The following UTP15 variants were observed in gnomAD, a reference collection of about 807,000 sequenced individuals.
The protein encoded by UTP15 is U3 small nucleolar RNA-associated protein 15 homolog.
In UTP15, 5 loss-of-function variants were observed where a neutral mutation model predicts 59.1. That is an observed-to-expected ratio of 0.08 (90% CI 0.04 to 0.18). The LOEUF is 0.18. Ranked by LOEUF, UTP15 falls within the 10% of genes least tolerant of loss-of-function variation. The pLI, the probability that UTP15 is intolerant of heterozygous loss-of-function variation, is 1.00. For missense variants in UTP15, 494 were observed against 616.7 expected, an observed-to-expected ratio of 0.80 and a Z score of 2.11; for synonymous variants, 211 against 212.2, an observed-to-expected ratio of 0.99 and a Z score of 0.05.
chr5:73,566,570 A>G (rs768246734), intron 1 of UTP15, among the ~76,000 whole-genome samples: 3 of 152,238 alleles, frequency 2.0e-5, no homozygotes, highest in Admixed American at 6.5e-5. Flanking sequence ...GCTTTTTGGA[A>G]TAGATGATGA....
In UTP15 at chr5:73,570,593, T is replaced by C. The variant is rs781003962; in HGVS notation, c.555T>C (p.Tyr185=). Residue 185 remains tyrosine, a synonymous_variant, in exon 6 of 13, where the codon TAT becomes TAC. Transcript: ENST00000296792. ...LNPDLFITGS[Y]DHTVKMFDAR... is the part of the protein sequence containing the mutation. ...CAAAAATTGACATTTTAGGATCATATGATCATACTGTGAAGATGTTTGATG... is the reference window on the plus strand; with the variant it reads ...CAAAAATTGACATTTTAGGATCATACGATCATACTGTGAAGATGTTTGATG... 37 of 1,613,992 alleles carry C rather than the reference T, an allele frequency of 2.3e-5. 1 individual carries two copies. The highest frequency in any genetic ancestry group is 1.3e-4 in the Admixed American group (8 of 59,998).
chr5:73,567,314 C>T lies in UTP15; in HGVS notation c.-31C>T. The T allele has an allele frequency of 1.3e-6, 2 of 1,498,286 alleles. No homozygotes were observed. The highest frequency in any genetic ancestry group is 1.8e-6 in the Non-Finnish European group (2 of 1,096,886). The allele number at this position is 1,498,286 out of a possible 1,614,324, so 92.8% of individuals were successfully genotyped here. ...TCTAATACCAATTCCAAAATAGTGA[C>T]TCTTGGACAATAGTGCAATTATATG... On this transcript the variant is annotated 5_prime_UTR_variant, in exon 2 of 13. Transcript: ENST00000296792.
In UTP15 at chr5:73,579,297, A is replaced by G; in HGVS notation, c.1281-20A>G. On this transcript the variant is annotated intron_variant, in intron 11 of 12. Coordinates refer to ENST00000296792, the MANE Select transcript of UTP15 (RefSeq NM_032175.4). ...TTTTTAAGTTTACAAGTTTCACTAA[A>G]CTGAATTTTTACTTTGTAGGAATCT... 1 of 1,604,852 alleles carries G rather than the reference A, an allele frequency of 6.2e-7. No homozygotes were observed.
chr5:73,576,411 A>AT (rs995135301), intron 7 of UTP15, among the ~76,000 whole-genome samples: 1 of 146,692 alleles, frequency 6.8e-6, no homozygotes, highest in African/African-American at 2.5e-5. Flanking sequence ...CGGCCCTTCT[A>AT]TTTTTTTTAT....
intron 8 of UTP15, 113 bp downstream of exon 8, chr5:73,577,149 G>A: frequency 6.4e-6 from 5 of 786,974 alleles, no homozygotes; most frequent in Non-Finnish European, 1.0e-5. Context: ...TGCCACATCA[G>A]ATATTTGAGT....
chr5:73,567,497 T>C, intron 2 of UTP15, 63 bp downstream of exon 2: 1 of 1,210,530 alleles, frequency 8.3e-7, no homozygotes, highest in Non-Finnish European at 1.2e-6. Context: ...CTAGCATATG[T>C]TATACTCTGG....
intron 6 of UTP15, 28 bp downstream of exon 6, chr5:73,570,739 T>C (rs1580389217): frequency 6.2e-7 from 1 of 1,606,108 alleles, no homozygotes; most frequent in East Asian, 2.2e-5. Context: ...CTTTCACCAA[T>C]ATTGTTGGTT....
At chr5:73,576,927 T>C in intron 7 of UTP15, 25 bp from the exon 8 acceptor site, 1 of 1,526,260 alleles carries the variant, frequency 6.6e-7, no homozygotes, top group Non-Finnish European at 8.9e-7. Flanking sequence ...AGGTGATTTT[T>C]GACAAAGCTT....
intron 9 of UTP15, 158 bp downstream of exon 9, chr5:73,578,163 T>A: frequency 1.5e-6 from 1 of 670,854 alleles, no homozygotes; most frequent in South Asian, 2.0e-5. Context: ...GGGACATTAT[T>A]GATGAGTAAT....
Position 73,579,319 on chromosome 5 carries a change from A to G in UTP15, c.1283A>G (p.Asn428Ser), listed in dbSNP as rs772429935. 7 of 1,609,080 alleles carry G rather than the reference A, an allele frequency of 4.4e-6. No homozygotes were observed. The South Asian group carries it at 6.7e-5, about 15-fold the overall frequency. The change falls in exon 12 of 13, where the codon AAT (asparagine) becomes AGT (serine). Residue 428 changes from asparagine (N) to serine (S), a missense_variant and splice_region_variant. Coordinates refer to ENST00000296792, the MANE Select transcript of UTP15 (RefSeq NM_032175.4). ...ISHVLNFLIRNLSQPRFAPVL... is the reference protein window; with the variant it reads ...ISHVLNFLIRSLSQPRFAPVL... ...TAAACTGAATTTTTACTTTGTAGGA[A>G]TCTTTCTCAGCCAAGATTTGCCCCT...
At chr5:73,570,290 T>C (rs180917854) in intron 5 of UTP15, among the ~76,000 whole-genome samples, 110 of 152,330 alleles carry the variant, frequency 7.2e-4, no homozygotes, top group African/African-American at 2.4e-3. Context: ...AAGAGTGCAG[T>C]TTAGCCTTTG....
intron 2 of UTP15, among the ~76,000 whole-genome samples, 178 bp from the exon 3 acceptor site, chr5:73,568,057 C>A (rs996461247): frequency 2.0e-5 from 3 of 152,006 alleles, no homozygotes. Context: ...TCAGTGGCAA[C>A]AAGAATAGTC....
At chr5:73,567,021 G>A (rs1027529470) in intron 1 of UTP15, among the ~76,000 whole-genome samples, 46 of 152,186 alleles carry the variant, frequency 3.0e-4, no homozygotes, top group Non-Finnish European at 1.0e-4. Context: ...TTATTCCTAA[G>A]TGTTGTAAAA....
chr5:73,579,097 G>C lies in UTP15; in HGVS notation c.1227G>C (p.Ala409=). Reference sequence around the variant, plus strand: ...ATCGAAGAGGAGTCCTTGCAAATGCGCTTGCAGGTCGGGATGAGAAGGAAA... The same window carrying C: ...ATCGAAGAGGAGTCCTTGCAAATGCCCTTGCAGGTCGGGATGAGAAGGAAA... ...ELNRRGVLAN[A]LAGRDEKEIS... Residue 409 remains alanine, a synonymous_variant, in exon 11 of 13, where the codon GCG becomes GCC. Transcript: ENST00000296792. 2 of 1,613,962 alleles carry C rather than the reference G, an allele frequency of 1.2e-6. No individual in the cohort carries two copies. Among genetic ancestry groups the C allele is most frequent in the Non-Finnish European group, 8.5e-7 (1 of 1,179,888 alleles).
chr5:73,570,793 C>T, intron 6 of UTP15, 82 bp downstream of exon 6: 1 of 1,570,232 alleles, frequency 6.4e-7, no homozygotes, highest in Non-Finnish European at 8.7e-7. Flanking sequence ...TGTAATTTAT[C>T]AGTGTGCATT....
chr5:73,578,057 C>T (rs1748155957), intron 9 of UTP15, 52 bp downstream of exon 9: 5 of 1,546,478 alleles, frequency 3.2e-6, no homozygotes, highest in Middle Eastern at 1.7e-4. Context: ...GTTAGAGTAG[C>T]CAGCTTCATC....
At chr5:73,579,704 A>G (rs1192125445) in intron 12 of UTP15, among the ~76,000 whole-genome samples, 173 bp from the exon 13 acceptor site, 2 of 152,140 alleles carry the variant, frequency 1.3e-5, no homozygotes, top group Non-Finnish European at 1.5e-5. Context: ...TTTGAAATTA[A>G]TTTACTCAGA....
At chr5:73,577,058 T>G in intron 8 of UTP15, 22 bp downstream of exon 8, 1 of 1,553,884 alleles carries the variant, frequency 6.4e-7, no homozygotes, top group Non-Finnish European at 8.7e-7. Flanking sequence ...TACCTATTTT[T>G]AAGTCTGTCA....
chr5:73,582,816 T>C lies in UTP15; in HGVS notation c.*2722T>C, dbSNP rs1748363529. ...TAATTTAAAATGCTTAACAGACTTT[T>C]AGACTTATGAGTTTCAGTTGAAAGG... is the stretch of plus-strand genomic sequence containing the variant. On this transcript the variant is annotated 3_prime_UTR_variant, in exon 13 of 13. Transcript: ENST00000296792. The C allele has an allele frequency of 6.6e-6, 1 of 152,244 alleles. No individual in the cohort carries two copies. Among genetic ancestry groups the C allele is most frequent in the African/African-American group, 2.4e-5 (1 of 41,464 alleles). The allele number at this position is 152,244 out of a possible 1,614,324, so 9.4% of individuals were successfully genotyped here. A position where few individuals can be genotyped will look rare whatever the true frequency, so the allele number is the denominator to read the frequency against.
Sources: allele counts gnomAD v4.1 joint callset (sites outside exome capture counted in the v4.1 genomes callset), GRCh38; gene constraint gnomAD v4.1.1; transcripts MANE v1.5; gene names NCBI Gene and HGNC (gene_info 2026-07-23, HGNC 2026-07-21).